Variants in MARCO observed in about 807,000 individuals in gnomAD.
MARCO encodes macrophage receptor with collagenous structure, also known as macrophage receptor MARCO.
Under a neutral mutation model 70.0 loss-of-function variants are expected in MARCO, and 72 were observed. That is an observed-to-expected ratio of 1.03 (90% CI 0.85 to 1.25). MARCO has a LOEUF of 1.25. MARCO is among the 50% of genes most tolerant of loss of function. The pLI is 0.00. For synonymous variants in MARCO, 273 were observed against 243.1 expected (o/e 1.12, Z -1.14); for missense variants, 696 against 659.3 (o/e 1.06, Z -0.61).
intron 8 of MARCO, 33 bp from the exon 9 acceptor site, chr2:118,981,376 C>T (rs111609603): frequency 6.9e-7 from 1 of 1,455,274 alleles, no homozygotes; most frequent in Admixed American, 1.9e-5. Flanking sequence ...TGGAGTTCCT[C>T]CCACAACTAA....
At chr2:118,946,867 A>G (rs972535001) in intron 1 of MARCO, among the ~76,000 whole-genome samples, 1 of 152,244 alleles carries the variant, frequency 6.6e-6, no homozygotes, top group African/African-American at 2.4e-5. Context: ...TCGTAGATGT[A>G]TACTGATATT....
intron 12 of MARCO, among the ~76,000 whole-genome samples, chr2:118,984,030 G>A (rs1248702363): frequency 1.3e-5 from 2 of 152,168 alleles, no homozygotes; most frequent in East Asian, 3.9e-4. Flanking sequence ...AGTGGGACAA[G>A]CACTCTTTGT....
chr2:118,957,031 A>G (rs1357169407), intron 1 of MARCO, among the ~76,000 whole-genome samples: 1 of 152,130 alleles, frequency 6.6e-6, no homozygotes, highest in Non-Finnish European at 1.5e-5. Flanking sequence ...AAAGATCTAC[A>G]TCAAAAAGTC....
At chr2:118,986,666 A>G (rs1558671697) in intron 12 of MARCO, among the ~76,000 whole-genome samples, 1 of 53,442 alleles carries the variant, frequency 1.9e-5, no homozygotes, top group African/African-American at 1.1e-4. Flanking sequence ...GGAAGGAAGG[A>G]AGGAAGGAAA....
intron 1 of MARCO, 103 bp from the exon 2 acceptor site, chr2:118,969,057 C>A: frequency 1.3e-6 from 1 of 788,866 alleles, no homozygotes; most frequent in Non-Finnish European, 2.2e-6. Context: ...CAGCTGACCT[C>A]ACAGGGTGCC....
chr2:118,947,506 C>A (rs1005229663), intron 1 of MARCO, among the ~76,000 whole-genome samples: 8 of 152,120 alleles, frequency 5.3e-5, no homozygotes, highest in Non-Finnish European at 7.3e-5. Flanking sequence ...TCTCGTATAA[C>A]GTATAATGTG....
Position 118,967,176 on chromosome 2 carries a change from A to AG in MARCO, c.98-1978dup, listed in dbSNP as rs928919399. Among the ~76,000 whole-genome samples the AG allele has an allele frequency of 2.3e-4, 35 of 152,326 alleles. No individual in the cohort carries two copies. In the East Asian group the frequency reaches 6.4e-3, roughly 28 times the overall value. ...GAAACAGAGTGATGTGGGAGAGCCA[A>AG]GGGGGGTTCCACCCAGCCCAGAGGA... On this transcript the variant is annotated intron_variant, in intron 1 of 16. Transcript: ENST00000327097.
At position 118,977,482 on chromosome 2, in the gene MARCO, C is replaced by A. The variant is rs1284709377; in HGVS notation, c.625C>A (p.Pro209Thr). 1 of 1,613,894 alleles carries A rather than the reference C, an allele frequency of 6.2e-7. No homozygotes were observed. The highest frequency in any genetic ancestry group is 1.7e-5 in the Admixed American group (1 of 60,026). The change falls in exon 7 of 17, where the codon CCC (proline) becomes ACC (threonine). Residue 209 changes from proline (P) to threonine (T), a missense_variant. Physicochemically the swap from Pro to Thr is conservative, Grantham distance 38. Around this residue, in one of 3 missense-constraint regions of MARCO, gnomAD observed 605 missense variants for 537.6 expected, o/e 1.13. Transcript: ENST00000327097. Reference protein sequence around the residue: ...GVKGEAGLQGPQGAPGKQGAT... With the variant: ...GVKGEAGLQGTQGAPGKQGAT... Reference sequence around the variant, plus strand: ...TTCCTTCCTCACAGGCCTCCAAGGACCCCAGGGTGCTCCAGGGAAGCAAGG... The same window carrying A: ...TTCCTTCCTCACAGGCCTCCAAGGAACCCAGGGTGCTCCAGGGAAGCAAGG...
At chr2:118,957,773 A>G (rs999415860) in intron 1 of MARCO, among the ~76,000 whole-genome samples, 1 of 151,776 alleles carries the variant, frequency 6.6e-6, no homozygotes, top group Non-Finnish European at 1.5e-5. Flanking sequence ...AATACTAGTT[A>G]TGGTGGATAT....
chr2:118,973,629 A>G (rs1387109173), intron 4 of MARCO, among the ~76,000 whole-genome samples: 3 of 152,100 alleles, frequency 2.0e-5, no homozygotes, highest in Non-Finnish European at 1.5e-5. Flanking sequence ...AAAAGGCTCC[A>G]GAGACAAATA....
At chr2:118,956,669 A>T (rs1222692827) in intron 1 of MARCO, among the ~76,000 whole-genome samples, 1 of 152,200 alleles carries the variant, frequency 6.6e-6, no homozygotes, top group Non-Finnish European at 1.5e-5. Flanking sequence ...AGAACATTTC[A>T]TCCAACAACC....
rs1322510661 is a variant in MARCO, at chr2:118,945,481, C to T, written c.97+3084C>T. The stretch of plus-strand genomic sequence containing the variant: ...ATGCTGGAGTGCAGGGGAGCGATCT[C>T]GGCTCAGTGCAACCTCCATCTCCCG... On this transcript the variant is annotated intron_variant, in intron 1 of 16. Coordinates refer to ENST00000327097, the MANE Select transcript of MARCO (RefSeq NM_006770.4). Among the ~76,000 whole-genome samples the T allele has an allele frequency of 2.7e-5, 4 of 149,724 alleles. 1 individual carries two copies. Among genetic ancestry groups the T allele is most frequent in the South Asian group, 4.2e-4 (2 of 4,718 alleles).
intron 1 of MARCO, among the ~76,000 whole-genome samples, chr2:118,946,926 A>G (rs896921644): frequency 2.0e-5 from 3 of 152,200 alleles, no homozygotes; most frequent in African/African-American, 7.2e-5. Context: ...AATGTTGACT[A>G]TCTTCTCATG....
chr2:118,963,447 T>C (rs1679986338), intron 1 of MARCO, among the ~76,000 whole-genome samples: 3 of 152,168 alleles, frequency 2.0e-5, no homozygotes, highest in Non-Finnish European at 4.4e-5. Context: ...TATTGGCAAA[T>C]AAGGTATTCT....
At chr2:118,971,168 T>C (rs552729383) in intron 3 of MARCO, among the ~76,000 whole-genome samples, 1 of 152,104 alleles carries the variant, frequency 6.6e-6, no homozygotes, top group Non-Finnish European at 1.5e-5. Flanking sequence ...TTCCTTGAAA[T>C]GTGAAGGAGC....
At chr2:118,950,108 T>C (rs1438482402) in intron 1 of MARCO, among the ~76,000 whole-genome samples, 1 of 152,160 alleles carries the variant, frequency 6.6e-6, no homozygotes, top group Non-Finnish European at 1.5e-5. Flanking sequence ...CAAACACCAT[T>C]TTATATTTGA....
Position 118,961,028 on chromosome 2 carries a change from T to C in MARCO, c.98-8132T>C, listed in dbSNP as rs188340521. Among the ~76,000 whole-genome samples, 590 of 152,306 alleles carry C rather than the reference T, an allele frequency of 3.9e-3. 4 individuals are homozygous for C. Among genetic ancestry groups the C allele is most frequent in the Non-Finnish European group, 7.2e-3 (493 of 68,026 alleles). On this transcript the variant is annotated intron_variant, in intron 1 of 16. Coordinates refer to ENST00000327097, the MANE Select transcript of MARCO (RefSeq NM_006770.4). ...TCCTACATTAGTTTTCTGAGGATAA[T>C]GGCTTCCAGCTCCATCCATGTCACT...
intron 1 of MARCO, among the ~76,000 whole-genome samples, chr2:118,961,008 C>T (rs781696792): frequency 9.2e-5 from 14 of 152,126 alleles, no homozygotes; most frequent in Admixed American, 2.0e-4. Context: ...TCTGTTCCTA[C>T]ATTAGTTTTC....
chr2:118,971,414 A>C, intron 3 of MARCO, 85 bp from the exon 4 acceptor site: 3 of 1,332,380 alleles, frequency 2.3e-6, no homozygotes, highest in Non-Finnish European at 3.2e-6. Flanking sequence ...TTACCCTCCC[A>C]CTGCAGAACC....
Sources: gnomAD v4.1 joint callset for allele counts (sites outside exome capture counted in the v4.1 genomes callset) on GRCh38, gnomAD v4.1.1 for gene constraint, gnomAD v4.1.1 regional missense constraint, MANE v1.5 for transcripts, NCBI Gene and HGNC (gene_info 2026-07-23, HGNC 2026-07-21) for gene names.